The following KIF1C variants were observed in gnomAD, a reference collection of about 807,000 sequenced individuals.
KIF1C encodes kinesin-like protein KIF1C.
Under a neutral mutation model 126.5 loss-of-function variants are expected in KIF1C, and 61 were observed. That is an observed-to-expected ratio of 0.48 (90% CI 0.39 to 0.60). KIF1C has a LOEUF of 0.60. KIF1C is among the 20% of genes least tolerant of loss of function. KIF1C has a pLI of 0.00. For synonymous variants in KIF1C, 640 were observed against 580.6 expected (o/e 1.10, Z -1.47); for missense variants, 1,315 against 1,489.2 (o/e 0.88, Z 1.93).
chr17:5,006,884 C>T (rs1974745930), intron 13 of KIF1C, 31 bp from the exon 14 acceptor site: 3 of 1,609,922 alleles, frequency 1.9e-6, no homozygotes, highest in Non-Finnish European at 1.7e-6. Context: ...CTTTCCTTAG[C>T]CTCATTCTTT....
At chr17:5,004,747 C>T (rs539194937) in intron 12 of KIF1C, 102 bp downstream of exon 12, 35 of 1,588,418 alleles carry the variant, frequency 2.2e-5, no homozygotes, top group Admixed American at 5.1e-5. Flanking sequence ...GGGGAGATGC[C>T]GGAGCCTTGC....
Position 5,010,702 on chromosome 17 carries a change from A to G in KIF1C, c.1492-2951A>G, listed in dbSNP as rs188631509. On this transcript the variant is annotated intron_variant, in intron 16 of 22. Transcript: ENST00000320785. ...GCGGAGCTTGCAGTGAGCCGAGATC[A>G]TGCCACTGCACTCCAGCCCAGGTGA... Among the ~76,000 whole-genome samples the G allele has an allele frequency of 4.0e-3, 603 of 151,296 alleles. 2 individuals are homozygous for G. Among genetic ancestry groups the G allele is most frequent in the African/African-American group, 9.2e-3 (378 of 41,270 alleles).
intron 5 of KIF1C, 63 bp downstream of exon 5, chr17:5,001,464 G>T: frequency 6.7e-7 from 1 of 1,496,222 alleles, no homozygotes; most frequent in Non-Finnish European, 9.2e-7. Context: ...TCTGAGGAAG[G>T]AAGGACTAGG....
At chr17:5,010,536 C>T (rs1322341235) in intron 16 of KIF1C, among the ~76,000 whole-genome samples, 8 of 151,888 alleles carry the variant, frequency 5.3e-5, no homozygotes, top group Non-Finnish European at 1.2e-4. Flanking sequence ...ATCACGAGGT[C>T]AGGAGATCGA....
chr17:5,005,435 A>C (rs1485509707), intron 13 of KIF1C, among the ~76,000 whole-genome samples: 2 of 152,290 alleles, frequency 1.3e-5, no homozygotes, highest in Admixed American at 1.3e-4. Flanking sequence ...CACTGATGGA[A>C]ATAGTGTCCA....
At chr17:5,006,716 C>T (rs1394714140) in intron 13 of KIF1C, among the ~76,000 whole-genome samples, 199 bp from the exon 14 acceptor site, 2 of 152,100 alleles carry the variant, frequency 1.3e-5, no homozygotes, top group African/African-American at 2.4e-5. Context: ...AGCTCTCCAC[C>T]CCTGGAGTTC....
intron 17 of KIF1C, chr17:5,014,367 G>A (rs544117509): frequency 2.6e-4 from 54 of 208,898 alleles, no homozygotes; most frequent in Admixed American, 1.3e-3. Flanking sequence ...TGCTTTTGGG[G>A]TATGGCTGCT....
intron 4 of KIF1C, among the ~76,000 whole-genome samples, 167 bp downstream of exon 4, chr17:5,001,015 G>T (rs1044472927): frequency 5.9e-5 from 9 of 152,120 alleles, no homozygotes; most frequent in African/African-American, 1.7e-4. Context: ...TTGAGGCCTC[G>T]ACAGGAAGGC....
intron 13 of KIF1C, among the ~76,000 whole-genome samples, chr17:5,006,423 A>C (rs981676189): frequency 6.6e-6 from 1 of 150,828 alleles, no homozygotes; most frequent in African/African-American, 2.4e-5. Context: ...TGCAACCTCT[A>C]CCTCCTGGGT....
At chr17:5,004,748 G>T (rs947980651) in intron 12 of KIF1C, 103 bp downstream of exon 12, 1 of 1,588,190 alleles carries the variant, frequency 6.3e-7, no homozygotes, top group South Asian at 1.1e-5. Context: ...GGGAGATGCC[G>T]GAGCCTTGCC....
intron 3 of KIF1C, 61 bp downstream of exon 3, chr17:5,000,413 G>C: frequency 8.7e-7 from 1 of 1,154,584 alleles, no homozygotes; most frequent in Non-Finnish European, 1.3e-6. Flanking sequence ...CACCACACAG[G>C]CCAGTCCCGC....
intron 13 of KIF1C, among the ~76,000 whole-genome samples, chr17:5,006,527 G>A (rs1172525540): frequency 6.6e-6 from 1 of 151,276 alleles, no homozygotes; most frequent in African/African-American, 2.4e-5. Context: ...GTAGAGACGG[G>A]GTTTCACCAT....
intron 8 of KIF1C, 80 bp downstream of exon 8, chr17:5,002,922 T>G: frequency 8.6e-7 from 1 of 1,166,174 alleles, no homozygotes; most frequent in Non-Finnish European, 1.2e-6. Context: ...TAGAAGGGTC[T>G]TGGGCCCTCC....
intron 17 of KIF1C, 30 bp downstream of exon 17, chr17:5,013,762 G>C: frequency 6.3e-7 from 1 of 1,587,462 alleles, no homozygotes; most frequent in Non-Finnish European, 8.6e-7. Context: ...CTGGGGGGCA[G>C]CCTCTGCTTT....
Position 5,003,989 on chromosome 17 carries a change from AT to A in KIF1C, c.865-8del. 6.2e-7 allele frequency: 1 copy of A among 1,613,624 alleles called. No individual in the cohort carries two copies. On this transcript the variant is annotated splice_polypyrimidine_tract_variant and splice_region_variant and intron_variant, in intron 10 of 22. Coordinates refer to ENST00000320785, the MANE Select transcript of KIF1C (RefSeq NM_006612.6). Reference sequence around the variant, plus strand: ...CCACCCTAACCTCCTTCCTCCTTTTATCCCCCAGCAATCAAAGAAGCGAAAG... The same window carrying A: ...CCACCCTAACCTCCTTCCTCCTTTTACCCCCAGCAATCAAAGAAGCGAAAG...
chr17:4,999,369 G>A (rs1974506406), intron 1 of KIF1C, among the ~76,000 whole-genome samples: 2 of 152,168 alleles, frequency 1.3e-5, no homozygotes, highest in African/African-American at 4.8e-5. Flanking sequence ...TCTCTCTTCT[G>A]GGCTCCCAGT....
In KIF1C at chr17:5,022,587, C is replaced by T. The variant is rs756714924; in HGVS notation, c.2506C>T (p.His836Tyr). The T allele has an allele frequency of 2.5e-6, 4 of 1,601,680 alleles. No individual in the cohort carries two copies. Among genetic ancestry groups the T allele is most frequent in the African/African-American group, 2.7e-5 (2 of 74,776 alleles). ...RGAEVEDLRA[H>Y]IDKLTGILQE... ...GGCGGAGGTGGAGGACCTCCGGGCC[C>T]ACATCGACAAGCTGACGGGGATTCT... The change falls in exon 22 of 23, where the codon CAC (histidine) becomes TAC (tyrosine). Residue 836 changes from histidine to tyrosine, a missense_variant. Coordinates refer to ENST00000320785, the MANE Select transcript of KIF1C (RefSeq NM_006612.6). The surrounding 1 kb of genome is among the most constrained non-coding windows in gnomAD (Gnocchi z 4.9).
At chr17:5,000,429 C>A in intron 3 of KIF1C, 77 bp downstream of exon 3, 3 of 996,010 alleles carry the variant, frequency 3.0e-6, no homozygotes, top group Non-Finnish European at 4.6e-6. Context: ...CCCGCTGGGC[C>A]AAACTAAGAG....
intron 21 of KIF1C, 95 bp from the exon 22 acceptor site, chr17:5,021,997 G>C: frequency 7.2e-7 from 1 of 1,381,052 alleles, no homozygotes; most frequent in Non-Finnish European, 9.8e-7. Context: ...CTCCCTGATG[G>C]GCGTGTTTCC....
Sources: allele counts gnomAD v4.1 joint callset (sites outside exome capture counted in the v4.1 genomes callset), GRCh38; gene constraint gnomAD v4.1.1; non-coding constraint Gnocchi (gnomAD v3.1); transcripts MANE v1.5; gene names NCBI Gene and HGNC (gene_info 2026-07-23, HGNC 2026-07-21).